The following SSR1 variants were observed in gnomAD, a reference collection of about 807,000 sequenced individuals.
The protein encoded by SSR1 is signal sequence receptor subunit 1.
A neutral mutation model predicts 36.1 loss-of-function variants in SSR1; 13 were observed. The ratio of observed to expected loss-of-function variants is 0.36; its 90% CI spans 0.23 to 0.57. The LOEUF is 0.57. Among genes scored for constraint, SSR1 ranks in the 20% least tolerant of loss-of-function variants. The pLI, the probability that SSR1 is intolerant of heterozygous loss-of-function variation, is 0.81. For missense variants in SSR1, 291 were observed against 338.5 expected (o/e 0.86, Z 1.10); for synonymous variants, 113 against 118.9 (o/e 0.95, Z 0.32).
chr6:7,309,840 G>A (rs548362593), intron 2 of SSR1, 77 bp downstream of exon 2: 2 of 1,186,468 alleles, frequency 1.7e-6, no homozygotes, highest in Non-Finnish European at 1.3e-6. Context: ...TCTTGGGTAT[G>A]TCTTTATTAG....
At chr6:7,312,959 G>A (rs1355575407) in intron 1 of SSR1, 83 bp downstream of exon 1, 4 of 1,384,766 alleles carry the variant, frequency 2.9e-6, no homozygotes, top group African/African-American at 1.4e-5. Flanking sequence ...AGGACCCGGA[G>A]CGGCCACCGC....
rs770916175 is a variant in SSR1, at chr6:7,309,901, A to G, written c.192+16T>C. 6.6e-7 allele frequency: 1 copy of G among 1,508,302 alleles called. No individual in the cohort carries two copies. Among genetic ancestry groups the G allele is most frequent in the South Asian group, 1.1e-5 (1 of 88,854 alleles). The allele number at this position is 1,508,302 out of a possible 1,614,324, so 93.4% of individuals were successfully genotyped here. A position where few individuals can be genotyped will look rare whatever the true frequency, so the allele number is the denominator to read the frequency against. On this transcript the variant is annotated intron_variant, in intron 2 of 7. Coordinates refer to ENST00000244763, the MANE Select transcript of SSR1 (RefSeq NM_003144.5). Reference sequence around the variant, plus strand: ...TACATACATTTTACATATATTAAATAGTATGTAACACTAACCAAATCTGTG... The same window carrying G: ...TACATACATTTTACATATATTAAATGGTATGTAACACTAACCAAATCTGTG...
At chr6:7,290,516 A>G (rs1057433180) in intron 7 of SSR1, among the ~76,000 whole-genome samples, 1 of 152,208 alleles carries the variant, frequency 6.6e-6, no homozygotes, top group East Asian at 1.9e-4. Flanking sequence ...TTCCTCAACC[A>G]GTGAAAGGCT....
At position 7,313,088 on chromosome 6, in the gene SSR1, G is replaced by A; in HGVS notation, c.33C>T (p.Leu11=). The A allele has an allele frequency of 6.2e-7, 1 of 1,608,724 alleles. No individual in the cohort carries two copies. The change falls in exon 1 of 8, where the codon CTC becomes CTT. Residue 11 remains leucine (L), a synonymous_variant. Coordinates refer to ENST00000244763, the MANE Select transcript of SSR1 (RefSeq NM_003144.5). MRLLPRLLLL[L]LLVFPATVLF... ...AGACAGTGGCAGGGAACACGAGTAA[G>A]AGAAGCAGCAGCAAGCGGGGGAGGA... is the stretch of plus-strand genomic sequence containing the variant.
chr6:7,303,488 A>G, intron 3 of SSR1, 62 bp downstream of exon 3: 2 of 1,181,226 alleles, frequency 1.7e-6, no homozygotes, highest in Middle Eastern at 5.7e-4. Flanking sequence ...TCAGATATAT[A>G]TGAACAAGCT....
chr6:7,290,236 G>GTTTATACATGCA (rs1361614412), intron 7 of SSR1, among the ~76,000 whole-genome samples: 5 of 152,220 alleles, frequency 3.3e-5, no homozygotes, highest in Non-Finnish European at 7.3e-5. Context: ...ACTTAACCAA[G>GTTTATACATGCA]TTTATACATG....
chr6:7,307,227 G>A (rs184221141), intron 2 of SSR1, among the ~76,000 whole-genome samples: 1 of 151,454 alleles, frequency 6.6e-6, no homozygotes, highest in Admixed American at 6.6e-5. Context: ...GCCTTTGAGG[G>A]CCCATCTTTC....
At position 7,287,854 on chromosome 6, in the gene SSR1, A is replaced by ATACT. The variant is rs560256903; in HGVS notation, c.*2006_*2009dup. ...TCATTACGGAGTTAGTTTCTGCTAAATACTTACTGATGCTAGAGCAGACCC... is the reference window on the plus strand; with the variant it reads ...TCATTACGGAGTTAGTTTCTGCTAAATACTTACTTACTGATGCTAGAGCAGACCC... On this transcript the variant is annotated 3_prime_UTR_variant, in exon 8 of 8. Coordinates refer to ENST00000244763, the MANE Select transcript of SSR1 (RefSeq NM_003144.5). The ATACT allele has an allele frequency of 6.6e-6, 1 of 152,638 alleles. No individual in the cohort carries two copies. The highest frequency in any genetic ancestry group is 1.5e-5 in the Non-Finnish European group (1 of 68,036). 9.5% of individuals were successfully genotyped at this position (152,638 alleles called of 1,614,324 possible). A position where few individuals can be genotyped will look rare whatever the true frequency, so the allele number is the denominator to read the frequency against.
intron 2 of SSR1, 68 bp downstream of exon 2, chr6:7,309,849 A>T: frequency 8.0e-7 from 1 of 1,256,704 alleles, no homozygotes; most frequent in Non-Finnish European, 1.2e-6. Flanking sequence ...TGTCTTTATT[A>T]GCAGCATGAG....
At chr6:7,306,871 C>G (rs1173350580) in intron 2 of SSR1, among the ~76,000 whole-genome samples, 1 of 146,116 alleles carries the variant, frequency 6.8e-6, no homozygotes, top group Non-Finnish European at 1.5e-5. Flanking sequence ...AGCGGAGATC[C>G]ACGCCACTGC....
chr6:7,307,808 G>A (rs1215437105), intron 2 of SSR1, among the ~76,000 whole-genome samples: 2 of 152,220 alleles, frequency 1.3e-5, no homozygotes, highest in Non-Finnish European at 2.9e-5. Context: ...TTACAGGCGT[G>A]CCTCATGGCG....
At chr6:7,301,182 T>G (rs1757925252) in intron 4 of SSR1, 128 bp downstream of exon 4, 1 of 1,164,742 alleles carries the variant, frequency 8.6e-7, no homozygotes, top group Admixed American at 2.6e-5. Flanking sequence ...TTATCTTTGC[T>G]TCCCTGGTGG....
At chr6:7,310,224 A>ATTTTTTTTT (rs10633004) in intron 1 of SSR1, among the ~76,000 whole-genome samples, 195 bp from the exon 2 acceptor site, 1 of 139,376 alleles carries the variant, frequency 7.2e-6, no homozygotes. Context: ...CTGCATATCA[A>ATTTTTTTTT]TTTTTTTTTT....
At chr6:7,302,689 G>T (rs377267761) in intron 3 of SSR1, among the ~76,000 whole-genome samples, 5 of 150,724 alleles carry the variant, frequency 3.3e-5, no homozygotes, top group Non-Finnish European at 7.4e-5. Context: ...TTGAACCTGG[G>T]AGGCAGAGGT....
chr6:7,309,893 T>C (rs370263937), intron 2 of SSR1, 24 bp downstream of exon 2: 18 of 1,456,246 alleles, frequency 1.2e-5, no homozygotes, highest in Non-Finnish European at 1.6e-5. Context: ...ATTTTACATA[T>C]ATTAAATAGT....
chr6:7,303,005 A>G lies in SSR1; in HGVS notation c.280+545T>C, dbSNP rs565554339. Reference sequence around the variant, plus strand: ...CAAAAAATTAGCCAGGCGTGGTGGCACGTGCCTGTAATCCCAGCCACTAGG... The same window carrying G: ...CAAAAAATTAGCCAGGCGTGGTGGCGCGTGCCTGTAATCCCAGCCACTAGG... On this transcript the variant is annotated intron_variant, in intron 3 of 7. Coordinates refer to ENST00000244763, the MANE Select transcript of SSR1 (RefSeq NM_003144.5). Among the ~76,000 whole-genome samples, 7 of 151,082 alleles carry G rather than the reference A, an allele frequency of 4.6e-5. No individual in the cohort carries two copies. The South Asian group carries it at 1.5e-3, about 32-fold the overall frequency.
In SSR1 at chr6:7,313,054, C is replaced by T; in HGVS notation, c.67G>A (p.Gly23Ser). ...LVFPATVLFR[G>S]GPRGLLAVAQ... ...CCCCCAGCCTCACCTCTGGGGCCGC[C>T]TCGGAACAAGACAGTGGCAGGGAAC... Residue 23 changes from glycine (G) to serine (S), a missense_variant, in exon 1 of 8, where the codon GGC becomes AGC. Gly to Ser is a moderately conservative substitution (Grantham distance 56). Transcript: ENST00000244763. 1 of 1,607,092 alleles carries T rather than the reference C, an allele frequency of 6.2e-7. No individual in the cohort carries two copies. The highest frequency in any genetic ancestry group is 8.5e-7 in the Non-Finnish European group (1 of 1,176,758).
At chr6:7,295,202 A>C (rs1380245420) in intron 7 of SSR1, 190 bp downstream of exon 7, 1 of 1,318,482 alleles carries the variant, frequency 7.6e-7, no homozygotes, top group East Asian at 2.5e-5. Flanking sequence ...TTCCAAATTA[A>C]AGCATAAGAA....
At chr6:7,297,558 C>T (rs1419886565) in intron 6 of SSR1, among the ~76,000 whole-genome samples, 1 of 151,934 alleles carries the variant, frequency 6.6e-6, no homozygotes, top group African/African-American at 2.4e-5. Flanking sequence ...AACCCTGCCT[C>T]TACAAAAAAT....
Sources: gnomAD v4.1 joint callset for allele counts (sites outside exome capture counted in the v4.1 genomes callset) on GRCh38, gnomAD v4.1.1 for gene constraint, MANE v1.5 for transcripts, NCBI Gene and HGNC (gene_info 2026-07-23, HGNC 2026-07-21) for gene names.